Variants in EML4 observed in about 807,000 individuals in gnomAD.
The protein encoded by EML4 is EMAP like 4.
EML4 carries 72 observed loss-of-function variants against 129.0 expected under a neutral mutation model. That is an observed-to-expected ratio of 0.56 (90% CI 0.46 to 0.68). The LOEUF (loss-of-function observed/expected upper bound fraction) is 0.68, where lower values mean the gene tolerates loss of function less well. Ranked by LOEUF, EML4 falls within the 30% of genes least tolerant of loss-of-function variation. EML4 has a pLI of 0.00. For missense variants in EML4, 1,363 were observed against 1,190.6 expected, an observed-to-expected ratio of 1.14 and a Z score of -2.13; for synonymous variants, 532 against 405.0, an observed-to-expected ratio of 1.31 and a Z score of -3.77.
At chr2:42,239,455 A>T (rs1185785373) in intron 1 of EML4, among the ~76,000 whole-genome samples, 4 of 152,238 alleles carry the variant, frequency 2.6e-5, no homozygotes, top group Admixed American at 1.3e-4. Flanking sequence ...TAATATTTCA[A>T]ACTTTATAAA....
rs776611036 is a variant in EML4, at chr2:42,261,288, C to T, written c.506C>T (p.Thr169Ile). 2 of 1,612,080 alleles carry T rather than the reference C, an allele frequency of 1.2e-6. No individual in the cohort carries two copies. The highest frequency in any genetic ancestry group is 2.2e-5 in the South Asian group (2 of 90,794). Residue 169 changes from threonine to isoleucine, a missense_variant, in exon 4 of 23, where the codon ACC becomes ATC. Physicochemically the swap from Thr to Ile is moderately conservative, Grantham distance 89. Coordinates refer to ENST00000318522, the MANE Select transcript of EML4 (RefSeq NM_019063.5). ...QTPESKNATPTKSIKRPSPAE... is the reference protein window; with the variant it reads ...QTPESKNATPIKSIKRPSPAE... ...CCAGAAAGCAAGAATGCTACTCCCA[C>T]CAAAAGGTTTTAACTGTCCCCAAGT... is the stretch of plus-strand genomic sequence containing the variant.
At chr2:42,267,376 C>T (rs549147910) in intron 6 of EML4, among the ~76,000 whole-genome samples, 2 of 152,276 alleles carry the variant, frequency 1.3e-5, no homozygotes, top group African/African-American at 4.8e-5. Flanking sequence ...ATATTCACAA[C>T]ACATTTTCTA....
At chr2:42,217,483 T>G (rs576933995) in intron 1 of EML4, among the ~76,000 whole-genome samples, 1 of 152,326 alleles carries the variant, frequency 6.6e-6, no homozygotes, top group South Asian at 2.1e-4. Flanking sequence ...ATGGTTACTG[T>G]TTTTCATTTA....
intron 10 of EML4, among the ~76,000 whole-genome samples, chr2:42,287,694 A>G (rs1438758135): frequency 6.6e-6 from 1 of 152,226 alleles, no homozygotes; most frequent in Admixed American, 6.5e-5. Context: ...ATTATAAAAA[A>G]GGAATTTCAT....
At chr2:42,267,483 T>G (rs1480033310) in intron 6 of EML4, among the ~76,000 whole-genome samples, 1 of 152,234 alleles carries the variant, frequency 6.6e-6, no homozygotes, top group Non-Finnish European at 1.5e-5. Context: ...TAGCTGTGGC[T>G]TGTTCCAAAT....
At chr2:42,232,454 T>C (rs1385863139) in intron 1 of EML4, among the ~76,000 whole-genome samples, 1 of 152,202 alleles carries the variant, frequency 6.6e-6, no homozygotes, top group African/African-American at 2.4e-5. Flanking sequence ...CTTACATTTG[T>C]CTGGTGATTC....
intron 1 of EML4, among the ~76,000 whole-genome samples, chr2:42,234,878 G>A (rs1001553519): frequency 3.9e-5 from 6 of 152,204 alleles, no homozygotes; most frequent in Non-Finnish European, 4.4e-5. Flanking sequence ...TATCTAGGCC[G>A]GGCACTGTGG....
At chr2:42,253,769 T>C (rs1244037955) in intron 2 of EML4, among the ~76,000 whole-genome samples, 1 of 152,084 alleles carries the variant, frequency 6.6e-6, no homozygotes, top group African/African-American at 2.4e-5. Flanking sequence ...CCTCACGCCA[T>C]AAACAAAAAT....
At chr2:42,200,102 G>A (rs549513060) in intron 1 of EML4, among the ~76,000 whole-genome samples, 1 of 142,412 alleles carries the variant, frequency 7.0e-6, no homozygotes, top group African/African-American at 2.6e-5. Context: ...GAAGTCAGGA[G>A]ATTGAGACCA....
chr2:42,190,589 T>A (rs929242962), intron 1 of EML4, among the ~76,000 whole-genome samples: 1 of 152,244 alleles, frequency 6.6e-6, no homozygotes, highest in Non-Finnish European at 1.5e-5. Flanking sequence ...TTTTAAGTTT[T>A]GTTTTCATAA....
At chr2:42,284,929 C>T (rs1418983402) in intron 9 of EML4, among the ~76,000 whole-genome samples, 1 of 152,096 alleles carries the variant, frequency 6.6e-6, no homozygotes, top group Non-Finnish European at 1.5e-5. Context: ...CCTTAAGAAG[C>T]TATTTACTGT....
chr2:42,245,983 C>G (rs1003318493), intron 2 of EML4, among the ~76,000 whole-genome samples: 1 of 152,074 alleles, frequency 6.6e-6, no homozygotes, highest in African/African-American at 2.4e-5. Flanking sequence ...ACTGAATCAT[C>G]GTTTTGTGTC....
At chr2:42,270,805 A>G (rs1420959156) in intron 6 of EML4, among the ~76,000 whole-genome samples, 1 of 152,236 alleles carries the variant, frequency 6.6e-6, no homozygotes, top group African/African-American at 2.4e-5. Context: ...TCCCGAATTT[A>G]GGAAGAAGTT....
At chr2:42,200,324 CAAAA>C (rs1328025730) in intron 1 of EML4, among the ~76,000 whole-genome samples, 3 of 151,626 alleles carry the variant, frequency 2.0e-5, no homozygotes, top group African/African-American at 7.3e-5. Flanking sequence ...GACTACGCCT[CAAAA>C]AAAGAGGAAT....
chr2:42,244,008 AGTT>A (rs1675205240), intron 1 of EML4, among the ~76,000 whole-genome samples: 1 of 24,006 alleles, frequency 4.2e-5, no homozygotes, highest in African/African-American at 2.4e-4. Context: ...TGTTTTTAAC[AGTT>A]AGTTATTTCC....
intron 17 of EML4, among the ~76,000 whole-genome samples, chr2:42,308,751 C>G (rs1014186174): frequency 2.0e-5 from 3 of 151,930 alleles, no homozygotes; most frequent in Non-Finnish European, 2.9e-5. Context: ...ACCCCACCCA[C>G]CTCCCCCCTT....
At chr2:42,203,868 A>G (rs561300041) in intron 1 of EML4, among the ~76,000 whole-genome samples, 2 of 152,292 alleles carry the variant, frequency 1.3e-5, no homozygotes, top group African/African-American at 4.8e-5. Context: ...AGTGCTTACT[A>G]TAAGGTATAG....
chr2:42,315,652 C>T (rs1669206372), intron 17 of EML4, among the ~76,000 whole-genome samples: 1 of 152,054 alleles, frequency 6.6e-6, no homozygotes, highest in Non-Finnish European at 1.5e-5. Context: ...GGTGGGAGGA[C>T]TGCTTGAGGC....
At chr2:42,320,980 A>G (rs1221742583) in intron 19 of EML4, among the ~76,000 whole-genome samples, 1 of 152,182 alleles carries the variant, frequency 6.6e-6, no homozygotes, top group Non-Finnish European at 1.5e-5. Flanking sequence ...GGGGAAAAAA[A>G]GAGTAAACAC....
Sources: allele counts gnomAD v4.1 joint callset (sites outside exome capture counted in the v4.1 genomes callset), GRCh38; gene constraint gnomAD v4.1.1; transcripts MANE v1.5; gene names NCBI Gene and HGNC (gene_info 2026-07-23, HGNC 2026-07-21).